The following IDE variants were observed in gnomAD, a reference collection of about 807,000 sequenced individuals.
The protein encoded by IDE is insulin-degrading enzyme.
In IDE, 58 loss-of-function variants were observed where a neutral mutation model predicts 133.2. The ratio of observed to expected loss-of-function variants is 0.44; its 90% confidence interval spans 0.35 to 0.54. The LOEUF is 0.54. IDE is among the 20% of genes least tolerant of loss of function. IDE has a pLI of 0.00. For missense variants in IDE, 981 were observed against 1,234.0 expected, an observed-to-expected ratio of 0.79 and a Z score of 3.07; for synonymous variants, 396 against 421.3, an observed-to-expected ratio of 0.94 and a Z score of 0.73.
intron 4 of IDE, among the ~76,000 whole-genome samples, chr10:92,529,751 A>G (rs2135661660): frequency 6.6e-6 from 1 of 152,280 alleles, no homozygotes; most frequent in South Asian, 2.1e-4. Context: ...CAGAAGTAAC[A>G]CTACTCACCT....
At chr10:92,532,305 T>C (rs1849982167) in intron 3 of IDE, among the ~76,000 whole-genome samples, 1 of 150,592 alleles carries the variant, frequency 6.6e-6, no homozygotes, top group South Asian at 2.1e-4. Context: ...AAAAGGCAGG[T>C]CATAGTTTTT....
At chr10:92,530,818 C>G (rs1220600362) in intron 4 of IDE, among the ~76,000 whole-genome samples, 1 of 152,128 alleles carries the variant, frequency 6.6e-6, no homozygotes, top group Non-Finnish European at 1.5e-5. Flanking sequence ...TAAAGCTATG[C>G]TAATTTCTCT....
At chr10:92,499,851 T>C (rs1847913570) in intron 11 of IDE, among the ~76,000 whole-genome samples, 1 of 152,202 alleles carries the variant, frequency 6.6e-6, no homozygotes, top group African/African-American at 2.4e-5. Context: ...AGTGTTTATA[T>C]TTAGGTCTAT....
intron 1 of IDE, among the ~76,000 whole-genome samples, chr10:92,572,187 T>C (rs1416237517): frequency 6.6e-6 from 1 of 152,236 alleles, no homozygotes; most frequent in Non-Finnish European, 1.5e-5. Flanking sequence ...AACTTAAAAT[T>C]GGTGCTTTCT....
chr10:92,476,576 C>T (rs1325196293), intron 15 of IDE, among the ~76,000 whole-genome samples: 1 of 152,086 alleles, frequency 6.6e-6, no homozygotes, highest in East Asian at 1.9e-4. Flanking sequence ...AACCTCCTGC[C>T]TCAGTCTCCC....
At chr10:92,538,794 C>T (rs12249288) in intron 1 of IDE, among the ~76,000 whole-genome samples, 5,162 of 143,926 alleles carry the variant, frequency 0.036, 309 homozygotes, top group African/African-American at 0.12. Flanking sequence ...AAAAAAAAAA[C>T]TGAAACTGCT....
chr10:92,554,167 T>A (rs978606592), intron 1 of IDE, among the ~76,000 whole-genome samples: 1 of 152,152 alleles, frequency 6.6e-6, no homozygotes, highest in Non-Finnish European at 1.5e-5. Flanking sequence ...GCAAGGATGG[T>A]TCAACATCAA....
At chr10:92,464,155 T>G in intron 20 of IDE, 152 bp from the exon 21 acceptor site, 1 of 747,218 alleles carries the variant, frequency 1.3e-6, no homozygotes. Flanking sequence ...TTAAGATGGT[T>G]TCAGTTCCTA....
chr10:92,471,523 A>G (rs1054539268), intron 17 of IDE, among the ~76,000 whole-genome samples: 6 of 152,302 alleles, frequency 3.9e-5, no homozygotes, highest in Middle Eastern at 6.8e-3. Context: ...TCCAAAGTGG[A>G]TGTTCATTCT....
At chr10:92,558,942 A>C (rs1170180103) in intron 1 of IDE, 6 of 152,028 alleles carry the variant, frequency 3.9e-5, no homozygotes, top group East Asian at 1.9e-4. Context: ...AAAAAAAAAA[A>C]AACCCAATTA....
At chr10:92,564,846 CAGG>C (rs1843456327) in intron 1 of IDE, among the ~76,000 whole-genome samples, 1 of 151,780 alleles carries the variant, frequency 6.6e-6, no homozygotes, top group Non-Finnish European at 1.5e-5. Flanking sequence ...CACTTGAGGC[CAGG>C]AGTTCAAGAC....
chr10:92,537,576 T>C lies in IDE; in HGVS notation c.99-26A>G, dbSNP rs752743186. The C allele has an allele frequency of 2.7e-6, 4 of 1,505,676 alleles. No individual in the cohort carries two copies. In the South Asian group the frequency reaches 3.6e-5, roughly 13 times the overall value. 93.3% of individuals were successfully genotyped at this position (1,505,676 alleles called of 1,614,324 possible). ...CTGAAAAGAAAGAGATTTTTAATTG[T>C]TGATTTGTGACTTTATATTTAAGGA... On this transcript the variant is annotated intron_variant, in intron 1 of 24. Coordinates refer to ENST00000265986, the MANE Select transcript of IDE (RefSeq NM_004969.4).
intron 13 of IDE, 142 bp from the exon 14 acceptor site, chr10:92,483,479 A>G: frequency 1.6e-6 from 1 of 608,738 alleles, no homozygotes; most frequent in East Asian, 2.8e-5. Context: ...GCCTTGAAGC[A>G]TACTCAAGAG....
intron 1 of IDE, among the ~76,000 whole-genome samples, chr10:92,543,679 T>C (rs889172193): frequency 2.6e-5 from 4 of 152,212 alleles, no homozygotes; most frequent in Admixed American, 6.5e-5. Context: ...AATTCTAAAG[T>C]AGTATCATTC....
At chr10:92,472,849 A>G (rs1040039334) in intron 17 of IDE, among the ~76,000 whole-genome samples, 2 of 151,074 alleles carry the variant, frequency 1.3e-5, no homozygotes, top group African/African-American at 4.9e-5. Context: ...TGTTGGCCAG[A>G]ATGGTCTCGA....
intron 1 of IDE, among the ~76,000 whole-genome samples, chr10:92,550,993 T>C (rs994101708): frequency 1.3e-5 from 2 of 152,230 alleles, no homozygotes; most frequent in Non-Finnish European, 2.9e-5. Context: ...GAAAACTGTA[T>C]GGCAGTTCCT....
chr10:92,460,400 C>A (rs1164018784), intron 22 of IDE, among the ~76,000 whole-genome samples: 1 of 152,090 alleles, frequency 6.6e-6, no homozygotes, highest in Admixed American at 6.6e-5. Context: ...CAAACAAGCT[C>A]AGCAATATTC....
At chr10:92,510,860 C>T (rs1848581859) in intron 5 of IDE, among the ~76,000 whole-genome samples, 1 of 149,828 alleles carries the variant, frequency 6.7e-6, no homozygotes, top group Non-Finnish European at 1.5e-5. Flanking sequence ...ATATATATCA[C>T]ATATATATCA....
chr10:92,510,223 G>T, intron 5 of IDE, 61 bp from the exon 6 acceptor site: 2 of 837,822 alleles, frequency 2.4e-6, no homozygotes, highest in South Asian at 1.6e-5. Flanking sequence ...AACAGGGAGT[G>T]CTTAAAATCT....
Sources: gnomAD v4.1 joint callset for allele counts (sites outside exome capture counted in the v4.1 genomes callset) on GRCh38, gnomAD v4.1.1 for gene constraint, MANE v1.5 for transcripts, NCBI Gene and HGNC (gene_info 2026-07-23, HGNC 2026-07-21) for gene names.